C9: variants seen among roughly 807,000 people sequenced by gnomAD.
C9 encodes the protein complement component C9.
A neutral mutation model predicts 65.4 loss-of-function variants in C9; 63 were observed. That is an observed-to-expected ratio of 0.96 (90% confidence interval 0.79 to 1.19). C9 has a LOEUF of 1.19. C9 is among the 50% of genes most tolerant of loss of function. C9 has a pLI of 0.00. For synonymous variants in C9, 229 were observed against 227.9 expected (o/e 1.00, Z -0.04); for missense variants, 744 against 670.1 (o/e 1.11, Z -1.22).
chr5:39,362,331 A>C (rs111907140), intron 1 of C9, among the ~76,000 whole-genome samples: 2,242 of 152,344 alleles, frequency 0.015, 33 homozygotes, highest in Non-Finnish European at 0.021. Flanking sequence ...TTATAAAGAC[A>C]TACACAATGG....
In C9 at chr5:39,301,115, A is replaced by G. The variant is rs942147058; in HGVS notation, c.1416+5502T>C. On this transcript the variant is annotated intron_variant, in intron 9 of 10. Transcript: ENST00000263408. ...TATAGTGAATAGAAAGATACATTTA[A>G]CTAAGTCAAAATAAAAAAATCATCA... is the stretch of plus-strand genomic sequence containing the variant. Among the ~76,000 whole-genome samples the G allele has an allele frequency of 4.1e-4, 63 of 152,184 alleles. 1 individual carries two copies. Among genetic ancestry groups the G allele is most frequent in the Admixed American group, 3.9e-3 (60 of 15,268 alleles).
Position 39,315,861 on chromosome 5 carries a change from T to C in C9, c.784A>G (p.Ile262Val), listed in dbSNP as rs775577722. The change falls in exon 6 of 11, where the codon ATT becomes GTT. Residue 262 changes from isoleucine (I) to valine (V), a missense_variant. Transcript: ENST00000263408. Reference protein sequence around the residue: ...EQCCEETASSISLHGKGSFRF... With the variant: ...EQCCEETASSVSLHGKGSFRF... Reference sequence around the variant, plus strand: ...AAACTACCCTTGCCATGTAAAGAAATTGAGGAGGCTGTTTCCTCACAACAT... The same window carrying C: ...AAACTACCCTTGCCATGTAAAGAAACTGAGGAGGCTGTTTCCTCACAACAT... 1 of 1,612,702 alleles carries C rather than the reference T, an allele frequency of 6.2e-7. No individual in the cohort carries two copies. The highest frequency in any genetic ancestry group is 1.1e-5 in the South Asian group (1 of 91,060).
chr5:39,312,042 A>G (rs1753493871), intron 6 of C9, among the ~76,000 whole-genome samples: 1 of 152,112 alleles, frequency 6.6e-6, no homozygotes, highest in South Asian at 2.1e-4. Flanking sequence ...TAGGGAACGG[A>G]AAAGGGCATA....
intron 1 of C9, among the ~76,000 whole-genome samples, chr5:39,347,226 C>T (rs1343246884): frequency 6.6e-6 from 1 of 152,156 alleles, no homozygotes; most frequent in Non-Finnish European, 1.5e-5. Flanking sequence ...AAGAGGAAGT[C>T]AAATTGTCCC....
chr5:39,341,241 G>A lies in C9; in HGVS notation c.381C>T (p.Asp127=). ...LRCNGDNDCG[D]FSDEDDCESE... is the part of the protein sequence containing the mutation. Reference sequence around the variant, plus strand: ...TTTCACAATCATCCTCATCTGAAAAGTCTCCGCAGTCATTGTCACCATTAC... The same window carrying A: ...TTTCACAATCATCCTCATCTGAAAAATCTCCGCAGTCATTGTCACCATTAC... Residue 127 remains aspartate (D), a synonymous_variant, in exon 4 of 11, where the codon GAC becomes GAT. Transcript: ENST00000263408. 2 of 1,614,140 alleles carry A rather than the reference G, an allele frequency of 1.2e-6. No homozygotes were observed. The highest frequency in any genetic ancestry group is 2.2e-5 in the East Asian group (1 of 44,872).
At chr5:39,308,042 T>C (rs1753411458) in intron 8 of C9, among the ~76,000 whole-genome samples, 188 bp downstream of exon 8, 1 of 152,186 alleles carries the variant, frequency 6.6e-6, no homozygotes, top group Non-Finnish European at 1.5e-5. Context: ...ACTGGCACAA[T>C]AGTGATACTG....
At position 39,284,823 on chromosome 5, in the gene C9, C is replaced by A. The variant is rs1752960808; in HGVS notation, c.*376G>T. On this transcript the variant is annotated 3_prime_UTR_variant, in exon 11 of 11. Transcript: ENST00000263408. ...AAATTGCATGGTACAGACGTGTGGT[C>A]ATGGACCTGGCAGAATATGTTAACC... 3.7e-6 allele frequency: 1 copy of A among 269,782 alleles called. No individual in the cohort carries two copies. The highest frequency in any genetic ancestry group is 2.2e-5 in the African/African-American group (1 of 44,606). 16.7% of individuals were successfully genotyped at this position (269,782 alleles called of 1,614,324 possible). A position where few individuals can be genotyped will look rare whatever the true frequency, so the allele number is the denominator to read the frequency against.
intron 1 of C9, among the ~76,000 whole-genome samples, chr5:39,356,918 A>G (rs1270239697): frequency 6.6e-6 from 1 of 152,204 alleles, no homozygotes; most frequent in East Asian, 1.9e-4. Context: ...AGTATTTGTA[A>G]AGCACTTTCT....
chr5:39,357,576 T>C (rs949523339), intron 1 of C9, among the ~76,000 whole-genome samples: 7 of 152,166 alleles, frequency 4.6e-5, no homozygotes, highest in African/African-American at 1.4e-4. Flanking sequence ...GCAAGTATGC[T>C]AGAAAATACA....
chr5:39,287,811 T>C (rs1053386957), intron 10 of C9, among the ~76,000 whole-genome samples: 2 of 151,672 alleles, frequency 1.3e-5, no homozygotes, highest in East Asian at 1.9e-4. Flanking sequence ...TAATAGACAG[T>C]GGGGACTCCA....
chr5:39,348,404 A>G (rs1211005588), intron 1 of C9, among the ~76,000 whole-genome samples: 14 of 152,256 alleles, frequency 9.2e-5, no homozygotes, highest in Non-Finnish European at 1.9e-4. Context: ...TATGCAACCA[A>G]CAGACACATG....
At chr5:39,287,389 T>G (rs1753009499) in intron 10 of C9, among the ~76,000 whole-genome samples, 1 of 151,938 alleles carries the variant, frequency 6.6e-6, no homozygotes, top group Non-Finnish European at 1.5e-5. Context: ...TAGAGATGAT[T>G]TCTCAAAAAA....
At chr5:39,320,870 T>C (rs903198286) in intron 5 of C9, among the ~76,000 whole-genome samples, 2 of 152,114 alleles carry the variant, frequency 1.3e-5, no homozygotes, top group African/African-American at 4.8e-5. Context: ...AGTGAGATGA[T>C]ATATTCAAGA....
At chr5:39,356,154 C>T (rs1754409941) in intron 1 of C9, among the ~76,000 whole-genome samples, 2 of 152,152 alleles carry the variant, frequency 1.3e-5, no homozygotes, top group Non-Finnish European at 2.9e-5. Flanking sequence ...AACCTTTACT[C>T]TACCTTTTCT....
At chr5:39,295,557 T>C (rs1274113636) in intron 9 of C9, among the ~76,000 whole-genome samples, 3 of 151,402 alleles carry the variant, frequency 2.0e-5, no homozygotes, top group African/African-American at 7.3e-5. Context: ...TACAAACAAA[T>C]GGAAAGAAAT....
At position 39,289,053 on chromosome 5, in the gene C9, A is replaced by G. The variant is rs530788996; in HGVS notation, c.1417-102T>C. On this transcript the variant is annotated intron_variant, in intron 9 of 10. Transcript: ENST00000263408. ...TCATTCACTGATTCATTAATTCAACAAAGACTTATTGAATGTATAGTATTG... is the reference window on the plus strand; with the variant it reads ...TCATTCACTGATTCATTAATTCAACGAAGACTTATTGAATGTATAGTATTG... 13 of 741,096 alleles carry G rather than the reference A, an allele frequency of 1.8e-5. No individual in the cohort carries two copies. The East Asian group carries it at 3.1e-4, about 18-fold the overall frequency. 45.9% of individuals were successfully genotyped at this position (741,096 alleles called of 1,614,324 possible).
At position 39,331,788 on chromosome 5, in the gene C9, A is replaced by C. The variant is rs1753845439; in HGVS notation, c.503T>G (p.Leu168Arg). 2 of 1,613,446 alleles carry C rather than the reference A, an allele frequency of 1.2e-6. No individual in the cohort carries two copies. Among genetic ancestry groups the C allele is most frequent in the African/African-American group, 2.7e-5 (2 of 74,918 alleles). The change falls in exon 5 of 11, where the codon CTA (leucine) becomes CGA (arginine). Residue 168 changes from leucine to arginine, a missense_variant. Leu to Arg is a moderately radical substitution (Grantham distance 102). Transcript: ENST00000263408. ...YGINILGMDP[L>R]STPFDNEFYN... ...GAACTCATTGTCAAAAGGTGTGCTT[A>C]GGGGATCCATCCCTAAAATGTTGAT...
chr5:39,353,912 T>G (rs1451585987), intron 1 of C9, among the ~76,000 whole-genome samples: 1 of 152,132 alleles, frequency 6.6e-6, no homozygotes, highest in East Asian at 1.9e-4. Flanking sequence ...AAGTCCTTAG[T>G]CATGGGGTTT....
intron 4 of C9, among the ~76,000 whole-genome samples, chr5:39,338,430 A>G (rs1038223275): frequency 6.6e-6 from 1 of 152,146 alleles, no homozygotes; most frequent in Admixed American, 6.5e-5. Context: ...TATTTATTTC[A>G]CTCAGTTCTT....
Sources: allele counts gnomAD v4.1 joint callset (sites outside exome capture counted in the v4.1 genomes callset), GRCh38; gene constraint gnomAD v4.1.1; transcripts MANE v1.5; gene names NCBI Gene and HGNC (gene_info 2026-07-23, HGNC 2026-07-21).